Variants in STRBP observed in about 807,000 individuals in gnomAD.
STRBP encodes the protein spermatid perinuclear RNA-binding protein.
In STRBP, 13 loss-of-function variants were observed where a neutral mutation model predicts 80.1. The observed-to-expected ratio is 0.16, with a 90% CI of 0.11 to 0.26. The LOEUF (loss-of-function observed/expected upper bound fraction) is 0.26. Among genes scored for constraint, STRBP ranks in the 10% least tolerant of loss-of-function variants. The pLI, the probability that STRBP is intolerant of heterozygous loss-of-function variation, is 1.00. For synonymous variants in STRBP, 284 were observed against 291.2 expected (o/e 0.98, Z 0.25); for missense variants, 485 against 815.2 (o/e 0.59, Z 4.93).
intron 1 of STRBP, among the ~76,000 whole-genome samples, chr9:123,266,568 TCTCAAA>T (rs2041270855): frequency 6.6e-6 from 1 of 151,878 alleles, no homozygotes; most frequent in Non-Finnish European, 1.5e-5. Context: ...CCCTTTCATC[TCTCAAA>T]CTCAAAGTGT....
intron 2 of STRBP, among the ~76,000 whole-genome samples, chr9:123,193,575 T>C (rs1390427364): frequency 6.6e-6 from 1 of 152,196 alleles, no homozygotes; most frequent in Non-Finnish European, 1.5e-5. Flanking sequence ...ACCGCAGAGA[T>C]GACCCTTCTA....
chr9:123,250,918 G>C (rs1034134619), intron 1 of STRBP, among the ~76,000 whole-genome samples: 1 of 152,096 alleles, frequency 6.6e-6, no homozygotes, highest in Non-Finnish European at 1.5e-5. Context: ...AAGAGTTCAA[G>C]ACCAGGGTGA....
In STRBP at chr9:123,130,425, T is replaced by C. The variant is rs904935855; in HGVS notation, c.1898-2167A>G. Among the ~76,000 whole-genome samples, 6 of 152,118 alleles carry C rather than the reference T, an allele frequency of 3.9e-5. No individual in the cohort carries two copies. In the South Asian group the frequency reaches 1.2e-3, roughly 32 times the overall value. The stretch of plus-strand genomic sequence containing the variant: ...CAATGACACAAGAGAGGAGTCACTA[T>C]AGAGTAAAGCCTGGCAACGAGTGGC... On this transcript the variant is annotated intron_variant, in intron 17 of 18. Coordinates refer to ENST00000348403, the MANE Select transcript of STRBP (RefSeq NM_018387.5).
At chr9:123,267,847 T>G (rs2132670249) in intron 1 of STRBP, among the ~76,000 whole-genome samples, 4 of 56,268 alleles carry the variant, frequency 7.1e-5, no homozygotes, top group South Asian at 7.1e-4. Context: ...AGCCCCCTCA[T>G]TCCCTCTTGA....
chr9:123,179,318 G>A, intron 3 of STRBP, 91 bp from the exon 4 acceptor site: 1 of 1,059,788 alleles, frequency 9.4e-7, no homozygotes, highest in Non-Finnish European at 1.4e-6. Context: ...CCAACCCATA[G>A]CACTGACTGT....
At chr9:123,185,061 ATAT>A (rs2038639955) in intron 2 of STRBP, among the ~76,000 whole-genome samples, 1 of 152,134 alleles carries the variant, frequency 6.6e-6, no homozygotes, top group South Asian at 2.1e-4. Context: ...TGAAACACTT[ATAT>A]TATAAACCTA....
At chr9:123,163,129 A>G (rs567637445) in intron 6 of STRBP, among the ~76,000 whole-genome samples, 1 of 152,368 alleles carries the variant, frequency 6.6e-6, no homozygotes, top group Admixed American at 6.5e-5. Flanking sequence ...CTTACCAAGT[A>G]GGAATGTCAG....
At chr9:123,151,912 A>G (rs1306161615) in intron 11 of STRBP, among the ~76,000 whole-genome samples, 1 of 152,118 alleles carries the variant, frequency 6.6e-6, no homozygotes, top group African/African-American at 2.4e-5. Context: ...ATAAAGATTA[A>G]TAAAAATAAT....
chr9:123,187,319 G>A (rs2038739036), intron 2 of STRBP, among the ~76,000 whole-genome samples: 1 of 150,720 alleles, frequency 6.6e-6, no homozygotes, highest in East Asian at 1.9e-4. Flanking sequence ...AGGCTTTGGA[G>A]TCAAGTACCA....
chr9:123,221,224 G>A (rs925652112), intron 2 of STRBP, among the ~76,000 whole-genome samples: 2 of 151,952 alleles, frequency 1.3e-5, no homozygotes, highest in African/African-American at 4.8e-5. Flanking sequence ...CCATGACTCC[G>A]GAGAGCCCTT....
chr9:123,177,136 G>A (rs934283333), intron 4 of STRBP, among the ~76,000 whole-genome samples: 1 of 152,158 alleles, frequency 6.6e-6, no homozygotes, highest in Admixed American at 6.5e-5. Flanking sequence ...GCCAGCCTCT[G>A]ATATAAGAAT....
intron 6 of STRBP, among the ~76,000 whole-genome samples, chr9:123,166,306 G>C (rs530996664): frequency 7.2e-4 from 110 of 152,276 alleles, no homozygotes; most frequent in Non-Finnish European, 2.5e-4. Flanking sequence ...TCAATAAGTT[G>C]ACTACTACTA....
intron 2 of STRBP, among the ~76,000 whole-genome samples, chr9:123,216,411 C>A (rs182606568): frequency 6.6e-6 from 1 of 152,170 alleles, no homozygotes; most frequent in African/African-American, 2.4e-5. Context: ...AATTATAATT[C>A]CTGGTACTTC....
chr9:123,247,170 C>T (rs2040816631), intron 1 of STRBP, among the ~76,000 whole-genome samples: 1 of 152,178 alleles, frequency 6.6e-6, no homozygotes, highest in Admixed American at 6.5e-5. Context: ...CTTTGAAAAA[C>T]AGCAAAAACT....
chr9:123,257,603 C>T (rs2041061908), intron 1 of STRBP, among the ~76,000 whole-genome samples: 1 of 152,172 alleles, frequency 6.6e-6, no homozygotes, highest in African/African-American at 2.4e-5. Context: ...TGGCTTGAGC[C>T]CGGCAGTTCA....
chr9:123,222,304 G>A (rs1588124420), intron 2 of STRBP, among the ~76,000 whole-genome samples: 1 of 151,624 alleles, frequency 6.6e-6, no homozygotes, highest in Non-Finnish European at 1.5e-5. Flanking sequence ...GCCTTTCACA[G>A]CTCCCTTGCT....
At chr9:123,192,817 C>T (rs529907531) in intron 2 of STRBP, among the ~76,000 whole-genome samples, 67 of 152,284 alleles carry the variant, frequency 4.4e-4, no homozygotes, top group Admixed American at 1.3e-3. Flanking sequence ...ACCTTGAGAA[C>T]ATCAGACTCC....
intron 8 of STRBP, among the ~76,000 whole-genome samples, chr9:123,159,691 A>G (rs2037441381): frequency 6.6e-6 from 1 of 151,694 alleles, no homozygotes; most frequent in African/African-American, 2.4e-5. Flanking sequence ...GTCCATGTTC[A>G]ATAAACTAAG....
chr9:123,211,223 T>C (rs999326008), intron 2 of STRBP, among the ~76,000 whole-genome samples: 1 of 152,158 alleles, frequency 6.6e-6, no homozygotes, highest in Non-Finnish European at 1.5e-5. Flanking sequence ...TACAATGACA[T>C]GCAACATTAT....
Sources: gnomAD v4.1 joint callset for allele counts (sites outside exome capture counted in the v4.1 genomes callset) on GRCh38, gnomAD v4.1.1 for gene constraint, MANE v1.5 for transcripts, NCBI Gene and HGNC (gene_info 2026-07-23, HGNC 2026-07-21) for gene names.